SCYL2: variants seen among roughly 807,000 people sequenced by gnomAD.
SCYL2 encodes SCY1 like pseudokinase 2, also known as SCY1-like protein 2.
In SCYL2, 36 loss-of-function variants were observed where a neutral mutation model predicts 100.4. The observed-to-expected ratio is 0.36, with a 90% CI of 0.27 to 0.47. The LOEUF is 0.47. Ranked by LOEUF, SCYL2 falls within the 20% of genes least tolerant of loss-of-function variation. The probability of loss-of-function intolerance (pLI) is 1.00; values close to 1 mark genes in which losing one functional copy is unlikely to be tolerated. For synonymous variants in SCYL2, 330 were observed against 359.2 expected (o/e 0.92, Z 0.92); for missense variants, 902 against 1,083.9 (o/e 0.83, Z 2.36).
At chr12:100,288,767 G>T (rs1414106658) in intron 2 of SCYL2, among the ~76,000 whole-genome samples, 1 of 151,712 alleles carries the variant, frequency 6.6e-6, no homozygotes, top group Non-Finnish European at 1.5e-5. Context: ...AGACCAGGAG[G>T]TGGAGGCTGC....
At chr12:100,290,247 T>C (rs955715208) in intron 2 of SCYL2, among the ~76,000 whole-genome samples, 1 of 152,132 alleles carries the variant, frequency 6.6e-6, no homozygotes, top group Non-Finnish European at 1.5e-5. Flanking sequence ...CTAATGCCAG[T>C]GTCTTGAGTG....
Position 100,314,685 on chromosome 12 carries a change from T to C in SCYL2, c.1095+71T>C, listed in dbSNP as rs545898466. On this transcript the variant is annotated intron_variant, in intron 8 of 17. Transcript: ENST00000360820. ...TAAAGTTTATTTTGACTTACTACCA[T>C]AACTCTTCCAAGAAAATAATATAAC... 86 of 1,344,582 alleles carry C rather than the reference T, an allele frequency of 6.4e-5. No homozygotes were observed. In the South Asian group the frequency reaches 1.1e-3, roughly 17 times the overall value. The allele number at this position is 1,344,582 out of a possible 1,614,324, so 83.3% of individuals were successfully genotyped here.
At chr12:100,331,682 T>A (rs1247877031) in intron 13 of SCYL2, among the ~76,000 whole-genome samples, 2 of 152,134 alleles carry the variant, frequency 1.3e-5, no homozygotes, top group African/African-American at 4.8e-5. Flanking sequence ...AGTGGCTATT[T>A]TCATCAACAA....
intron 3 of SCYL2, among the ~76,000 whole-genome samples, chr12:100,295,321 C>T (rs1348073373): frequency 1.3e-5 from 2 of 152,114 alleles, no homozygotes; most frequent in Admixed American, 6.5e-5. Flanking sequence ...GATGCAATCT[C>T]GGCACTTTGG....
At chr12:100,332,562 A>ATTTATATAAAG (rs1286905459) in intron 13 of SCYL2, among the ~76,000 whole-genome samples, 15 of 152,188 alleles carry the variant, frequency 9.9e-5, no homozygotes, top group Non-Finnish European at 1.6e-4. Flanking sequence ...CTGCTGAATG[A>ATTTATATAAAG]TCCATTTATA....
intron 14 of SCYL2, 127 bp from the exon 15 acceptor site, chr12:100,335,498 A>AGAT: frequency 1.6e-6 from 1 of 641,666 alleles, no homozygotes; most frequent in East Asian, 2.8e-5. Flanking sequence ...ATAATGGAAA[A>AGAT]GATGACTCTT....
intron 8 of SCYL2, 46 bp downstream of exon 8, chr12:100,314,660 T>G: frequency 2.0e-6 from 3 of 1,510,448 alleles, no homozygotes; most frequent in Non-Finnish European, 2.7e-6. Flanking sequence ...TTTTAGAAGT[T>G]AAAGTTTATT....
intron 2 of SCYL2, among the ~76,000 whole-genome samples, chr12:100,288,680 T>C (rs1420712927): frequency 1.3e-5 from 2 of 151,476 alleles, no homozygotes; most frequent in East Asian, 1.9e-4. Context: ...TACAAAAAAA[T>C]TAAAAAATTT....
intron 1 of SCYL2, among the ~76,000 whole-genome samples, chr12:100,269,803 G>C (rs1048587128): frequency 6.6e-6 from 1 of 152,020 alleles, no homozygotes; most frequent in Non-Finnish European, 1.5e-5. Context: ...GCTTTCTCAG[G>C]ATACAGATAT....
chr12:100,315,776 A>C (rs773698826), intron 9 of SCYL2, 42 bp downstream of exon 9: 1 of 1,312,564 alleles, frequency 7.6e-7, no homozygotes, highest in African/African-American at 1.4e-5. Flanking sequence ...ACTGTTATTT[A>C]TGATTGTGAC....
chr12:100,335,822 A>C lies in SCYL2; in HGVS notation c.1941A>C (p.Lys647Asn), dbSNP rs764970891. 6.2e-7 allele frequency: 1 copy of C among 1,612,790 alleles called. No homozygotes were observed. Residue 647 changes from lysine to asparagine, a missense_variant, in exon 16 of 18, where the codon AAA becomes AAC. Transcript: ENST00000360820. ...VTNIGNQQIDKVFNNIGADLL... is the reference protein window; with the variant it reads ...VTNIGNQQIDNVFNNIGADLL... Reference sequence around the variant, plus strand: ...TTTTTCTATTTCAGCAAATTGACAAAGTTTTTAACAACATTGGAGCAGACC... The same window carrying C: ...TTTTTCTATTTCAGCAAATTGACAACGTTTTTAACAACATTGGAGCAGACC...
chr12:100,335,445 T>C (rs1269085104), intron 14 of SCYL2, 180 bp from the exon 15 acceptor site: 8 of 531,028 alleles, frequency 1.5e-5, no homozygotes, highest in Non-Finnish European at 2.3e-5. Flanking sequence ...TGGACTTACA[T>C]ACAAATGTTA....
chr12:100,283,637 C>T (rs2096301343), intron 2 of SCYL2, among the ~76,000 whole-genome samples: 1 of 152,096 alleles, frequency 6.6e-6, no homozygotes, highest in Non-Finnish European at 1.5e-5. Flanking sequence ...TTTTACTTCC[C>T]TACAAGTGAA....
chr12:100,325,943 C>T (rs1188084805), intron 11 of SCYL2, among the ~76,000 whole-genome samples: 1 of 151,902 alleles, frequency 6.6e-6, no homozygotes, highest in Admixed American at 6.6e-5. Flanking sequence ...GCTTTATTAG[C>T]CAACAAAATT....
chr12:100,339,200 A>G lies in SCYL2; in HGVS notation c.*28A>G. 6.3e-7 allele frequency: 1 copy of G among 1,590,270 alleles called. No individual in the cohort carries two copies. The highest frequency in any genetic ancestry group is 8.6e-7 in the Non-Finnish European group (1 of 1,169,560). ...TGTCTTACTTCTATTTTGAAGGATT[A>G]TTTCAGTTTCAATCATGGGTGAGCT... On this transcript the variant is annotated 3_prime_UTR_variant, in exon 18 of 18. Coordinates refer to ENST00000360820, the MANE Select transcript of SCYL2 (RefSeq NM_017988.6).
chr12:100,319,671 G>A (rs373797084), intron 10 of SCYL2, among the ~76,000 whole-genome samples: 128 of 152,210 alleles, frequency 8.4e-4, no homozygotes, highest in African/African-American at 2.9e-3. Context: ...ATGCATGGGC[G>A]ACCATGCCTG....
intron 1 of SCYL2, among the ~76,000 whole-genome samples, chr12:100,271,154 A>T (rs2096287179): frequency 6.6e-6 from 1 of 151,420 alleles, no homozygotes; most frequent in South Asian, 2.1e-4. Flanking sequence ...CTTTTAAAAA[A>T]CTTCTAGTAA....
chr12:100,323,852 T>C (rs2096358954), intron 11 of SCYL2: 1 of 302,690 alleles, frequency 3.3e-6, no homozygotes, highest in Admixed American at 5.1e-5. Flanking sequence ...CCCTTTACTT[T>C]GAGTGCTTCA....
rs750353471 is a variant in SCYL2, at chr12:100,329,203, A to G, written c.1645A>G (p.Ile549Val). The change falls in exon 13 of 18, where the codon ATT (isoleucine) becomes GTT (valine). Residue 549 changes from isoleucine (I) to valine (V), a missense_variant and splice_region_variant. Transcript: ENST00000360820. ...TTTGTCACATTCTTTTCTATCAGGT[A>G]TTTACAAATGTACTTTTACTCATAA... is the stretch of plus-strand genomic sequence containing the variant. The part of the protein sequence containing the change: ...EPAVLMGILG[I>V]YKCTFTHKKL... 6.7e-7 allele frequency: 1 copy of G among 1,489,378 alleles called. No individual in the cohort carries two copies. Among genetic ancestry groups the G allele is most frequent in the African/African-American group, 1.4e-5 (1 of 72,532 alleles). The allele number at this position is 1,489,378 out of a possible 1,614,324, so 92.3% of individuals were successfully genotyped here.
Sources: allele counts gnomAD v4.1 joint callset (sites outside exome capture counted in the v4.1 genomes callset), GRCh38; gene constraint gnomAD v4.1.1; transcripts MANE v1.5; gene names NCBI Gene and HGNC (gene_info 2026-07-23, HGNC 2026-07-21).